Variants in BIRC6 observed in about 807,000 individuals in gnomAD.
BIRC6 encodes the protein dual E2 ubiquitin-conjugating enzyme/E3 ubiquitin-protein ligase BIRC6.
BIRC6 carries 98 observed loss-of-function variants against 503.3 expected under a neutral mutation model. The observed-to-expected ratio is 0.19, with a 90% CI of 0.17 to 0.23. The LOEUF is 0.23. BIRC6 is among the 10% of genes least tolerant of loss of function. BIRC6 has a pLI of 1.00. For synonymous variants in BIRC6, 2,240 were observed against 2,078.7 expected, an observed-to-expected ratio of 1.08 and a Z score of -2.11; for missense variants, 5,360 against 5,806.0, an observed-to-expected ratio of 0.92 and a Z score of 2.50.
At chr2:32,532,240 C>T (rs373302752) in intron 61 of BIRC6, 55 of 527,940 alleles carry the variant, frequency 1.0e-4, no homozygotes, top group South Asian at 5.6e-4. Context: ...ATACCACAAA[C>T]GGGCTGGCTT....
At chr2:32,545,545 T>G (rs2057999801) in intron 62 of BIRC6, 98 bp from the exon 63 acceptor site, 1 of 973,302 alleles carries the variant, frequency 1.0e-6, no homozygotes, top group Non-Finnish European at 1.6e-6. Flanking sequence ...GGTATACTTT[T>G]GTATTACAGT....
chr2:32,470,332 A>G (rs2048978765), intron 31 of BIRC6, 31 bp downstream of exon 31: 14 of 1,496,954 alleles, frequency 9.4e-6, no homozygotes, highest in Non-Finnish European at 1.2e-5. Context: ...TCTTTAGTAA[A>G]AACAATATTC....
At chr2:32,564,184 G>A (rs1225752271) in intron 65 of BIRC6, 1 of 152,172 alleles carries the variant, frequency 6.6e-6, no homozygotes, top group East Asian at 1.9e-4. Flanking sequence ...TCCTTATATA[G>A]AGTTGCCTTT....
At chr2:32,372,925 T>C (rs2036188751) in intron 1 of BIRC6, among the ~76,000 whole-genome samples, 1 of 152,180 alleles carries the variant, frequency 6.6e-6, no homozygotes, top group Non-Finnish European at 1.5e-5. Context: ...GTATAGATTT[T>C]TGTGTGAACA....
chr2:32,449,548 T>C (rs2046453116), intron 22 of BIRC6, among the ~76,000 whole-genome samples: 2 of 152,224 alleles, frequency 1.3e-5, no homozygotes, highest in Non-Finnish European at 2.9e-5. Context: ...CGTCTAATTG[T>C]ACTTATTGCA....
chr2:32,606,768 G>A (rs777495674), intron 71 of BIRC6, among the ~76,000 whole-genome samples: 1 of 152,062 alleles, frequency 6.6e-6, no homozygotes, highest in Non-Finnish European at 1.5e-5. Flanking sequence ...CACTTTGGGA[G>A]GCCGAGGCAG....
At chr2:32,589,073 T>A (rs945549418) in intron 66 of BIRC6, among the ~76,000 whole-genome samples, 6 of 152,198 alleles carry the variant, frequency 3.9e-5, no homozygotes, top group Non-Finnish European at 7.4e-5. Context: ...AGACTTTTTC[T>A]GCTGTACTCC....
At chr2:32,385,092 A>G (rs74892559) in intron 3 of BIRC6, among the ~76,000 whole-genome samples, 3,399 of 152,258 alleles carry the variant, frequency 0.022, 114 homozygotes, top group African/African-American at 0.079. Context: ...ATACTGACTG[A>G]AGTTCTATCT....
At chr2:32,616,109 T>C (rs571408969) in intron 73 of BIRC6, among the ~76,000 whole-genome samples, 1 of 152,338 alleles carries the variant, frequency 6.6e-6, no homozygotes, top group Admixed American at 6.5e-5. Flanking sequence ...TCTATAGATC[T>C]TCTTTTTAAC....
chr2:32,458,733 A>T, intron 23 of BIRC6, among the ~76,000 whole-genome samples: 1 of 117,172 alleles, frequency 8.5e-6, no homozygotes, highest in South Asian at 2.6e-4. Context: ...GACACTCTGT[A>T]TCCCAGGCTG....
At chr2:32,380,033 A>G in intron 2 of BIRC6, 120 bp from the exon 3 acceptor site, 1 of 617,576 alleles carries the variant, frequency 1.6e-6, no homozygotes, top group East Asian at 3.0e-5. Context: ...AGGTAAGTTT[A>G]GTATAGTACC....
At chr2:32,575,484 G>A (rs1179929084) in intron 66 of BIRC6, 118 bp downstream of exon 66, 3 of 919,006 alleles carry the variant, frequency 3.3e-6, no homozygotes, top group Non-Finnish European at 5.0e-6. Flanking sequence ...TACACCCTCG[G>A]CTGGGTGCGG....
At chr2:32,448,970 C>A in intron 22 of BIRC6, 42 bp downstream of exon 22, 1 of 1,575,092 alleles carries the variant, frequency 6.3e-7, no homozygotes, top group Non-Finnish European at 8.6e-7. Context: ...AATGTTGTAT[C>A]TTGGATTTAA....
rs180750849 is a variant in BIRC6 at position 32,380,823 on chromosome 2, C to G, written c.645+533C>G. ...ATTTTGCTTATTGTGTTTTCTGATG[C>G]TTCCTTAAATCTTTCTTAGTGCCTG... On this transcript the variant is annotated intron_variant, in intron 3 of 73. Coordinates refer to ENST00000421745, the MANE Select transcript of BIRC6 (RefSeq NM_016252.4). Among the ~76,000 whole-genome samples the G allele has an allele frequency of 7.9e-5, 12 of 152,306 alleles. No homozygotes were observed. In the East Asian group the frequency reaches 2.3e-3, roughly 29 times the overall value.
chr2:32,580,143 G>A (rs986043875), intron 66 of BIRC6, among the ~76,000 whole-genome samples: 2 of 151,906 alleles, frequency 1.3e-5, no homozygotes, highest in Non-Finnish European at 2.9e-5. Context: ...TAGTAGAGAC[G>A]GGGTTTCACC....
At chr2:32,533,186 A>T (rs919513994) in intron 61 of BIRC6, among the ~76,000 whole-genome samples, 3 of 152,208 alleles carry the variant, frequency 2.0e-5, no homozygotes, top group African/African-American at 7.2e-5. Flanking sequence ...GAAATGAGGA[A>T]CATGTTACCG....
At chr2:32,449,471 T>C (rs1449023604) in intron 22 of BIRC6, among the ~76,000 whole-genome samples, 3 of 152,228 alleles carry the variant, frequency 2.0e-5, no homozygotes, top group Non-Finnish European at 2.9e-5. Context: ...TTTATAATCT[T>C]TTTAAGTGCT....
intron 57 of BIRC6, 163 bp from the exon 58 acceptor site, chr2:32,524,725 T>C (rs565946929): frequency 1.7e-5 from 6 of 353,094 alleles, no homozygotes; most frequent in East Asian, 1.1e-4. Flanking sequence ...TCAGTAAAGA[T>C]TGGGTATCAG....
At chr2:32,569,071 C>A (rs1478523767) in intron 65 of BIRC6, among the ~76,000 whole-genome samples, 3 of 150,306 alleles carry the variant, frequency 2.0e-5, no homozygotes, top group African/African-American at 4.9e-5. Context: ...CTCACTGCAA[C>A]CTCTGCCTCC....
Sources: allele counts gnomAD v4.1 joint callset (sites outside exome capture counted in the v4.1 genomes callset), GRCh38; gene constraint gnomAD v4.1.1; transcripts MANE v1.5; gene names NCBI Gene and HGNC (gene_info 2026-07-23, HGNC 2026-07-21).